LIMS1: variants seen among roughly 807,000 people sequenced by gnomAD.
The protein encoded by LIMS1 is LIM and senescent cell antigen-like-containing domain protein 1.
In LIMS1, 18 loss-of-function variants were observed where a neutral mutation model predicts 44.1. That is an observed-to-expected ratio of 0.41 (90% confidence interval 0.28 to 0.61). The LOEUF is 0.61. Ranked by LOEUF, LIMS1 falls within the 20% of genes least tolerant of loss-of-function variation. LIMS1 has a pLI of 0.32. For synonymous variants in LIMS1, 93 were observed against 149.1 expected (o/e 0.62, Z 2.74); for missense variants, 201 against 422.0 (o/e 0.48, Z 4.59).
intron 1 of LIMS1, among the ~76,000 whole-genome samples, chr2:108,646,998 G>C (rs973692657): frequency 6.6e-6 from 1 of 152,098 alleles, no homozygotes; most frequent in Non-Finnish European, 1.5e-5. Flanking sequence ...TGGGATTACA[G>C]GCATGAGTCA....
intron 1 of LIMS1, among the ~76,000 whole-genome samples, chr2:108,637,092 T>C (rs1689310703): frequency 7.3e-6 from 1 of 137,848 alleles, no homozygotes; most frequent in Admixed American, 8.1e-5. Context: ...CAGCAAAATA[T>C]ACATATATGT....
chr2:108,583,092 G>A (rs185661210), intron 1 of LIMS1, among the ~76,000 whole-genome samples: 1 of 152,138 alleles, frequency 6.6e-6, no homozygotes, highest in Non-Finnish European at 1.5e-5. Context: ...AGGCTGGAGT[G>A]CAGTGGCGTG....
At chr2:108,573,711 TAAAC>T (rs1339779381) in intron 1 of LIMS1, among the ~76,000 whole-genome samples, 2 of 152,162 alleles carry the variant, frequency 1.3e-5, no homozygotes, top group East Asian at 1.9e-4. Context: ...AGACACATCA[TAAAC>T]AAATAAAGCG....
intron 1 of LIMS1, among the ~76,000 whole-genome samples, chr2:108,546,123 T>G (rs967658706): frequency 6.6e-6 from 1 of 152,190 alleles, no homozygotes; most frequent in African/African-American, 2.4e-5. Flanking sequence ...GGTTATAGAA[T>G]CTGTGCTCCA....
At chr2:108,655,277 AGT>A (rs1690782938) in intron 1 of LIMS1, 1 of 791,096 alleles carries the variant, frequency 1.3e-6, no homozygotes, top group Admixed American at 2.6e-5. Flanking sequence ...CCTCTCCTGG[AGT>A]GCCCTCTTCC....
At chr2:108,587,974 A>T (rs1033144019) in intron 1 of LIMS1, among the ~76,000 whole-genome samples, 1 of 152,238 alleles carries the variant, frequency 6.6e-6, no homozygotes, top group South Asian at 2.1e-4. Flanking sequence ...CAGAGGGCAC[A>T]TAAAGAAGCT....
chr2:108,588,093 T>C (rs1386777302), intron 1 of LIMS1, among the ~76,000 whole-genome samples: 3 of 152,254 alleles, frequency 2.0e-5, no homozygotes, highest in African/African-American at 7.2e-5. Context: ...TTCTAAATAT[T>C]TGTCTGCATG....
At chr2:108,645,024 T>A (rs796151678) in intron 1 of LIMS1, among the ~76,000 whole-genome samples, 15 of 152,242 alleles carry the variant, frequency 9.9e-5, no homozygotes, top group African/African-American at 3.6e-4. Flanking sequence ...CTTTGTTTGA[T>A]TGGTATACCT....
intron 1 of LIMS1, among the ~76,000 whole-genome samples, chr2:108,551,491 G>A (rs12468003): frequency 0.18 from 20,090 of 114,454 alleles, 1,734 homozygotes; most frequent in East Asian, 0.34. Flanking sequence ...GCGCGCGCGC[G>A]CACACACACA....
chr2:108,549,279 C>CTTTTTTTTTTTTTTT lies in LIMS1; in HGVS notation c.32+14704_32+14718dup, dbSNP rs71381966. On this transcript the variant is annotated intron_variant, in intron 1 of 9. Coordinates refer to ENST00000544547, the Ensembl canonical transcript of LIMS1. Reference sequence around the variant, plus strand: ...ATAATAATGTACAAGTAAAGTGTTTCTTTTTTTTTTTTTTTTTTTTTTTTT... The same window carrying CTTTTTTTTTTTTTTT: ...ATAATAATGTACAAGTAAAGTGTTTCTTTTTTTTTTTTTTTTTTTTTTTTTTTTTTTTTTTTTTTT... Among the ~76,000 whole-genome samples, 6 of 55,792 alleles carry CTTTTTTTTTTTTTTT rather than the reference C, an allele frequency of 1.1e-4. 1 individual carries two copies. The highest frequency in any genetic ancestry group is 1.2e-4 in the Non-Finnish European group (4 of 32,026). 36.6% of individuals were successfully genotyped at this position (55,792 alleles called of 152,430 possible).
intron 1 of LIMS1, among the ~76,000 whole-genome samples, chr2:108,559,852 CTG>C (rs1025335631): frequency 6.6e-6 from 1 of 152,184 alleles, no homozygotes; most frequent in Non-Finnish European, 1.5e-5. Flanking sequence ...GCCTTAAAAA[CTG>C]TTATCTGAAA....
chr2:108,552,670 G>A (rs1015699406), intron 1 of LIMS1, among the ~76,000 whole-genome samples: 1 of 150,972 alleles, frequency 6.6e-6, no homozygotes, highest in Non-Finnish European at 1.5e-5. Context: ...ACTCACTGCA[G>A]CCTTGACCTC....
chr2:108,539,060 T>C (rs980348173), intron 1 of LIMS1, among the ~76,000 whole-genome samples: 1 of 152,218 alleles, frequency 6.6e-6, no homozygotes, highest in Non-Finnish European at 1.5e-5. Context: ...ACAAACACTT[T>C]GAACATCTCT....
At chr2:108,594,998 A>T (rs976495227) in intron 1 of LIMS1, among the ~76,000 whole-genome samples, 8 of 152,200 alleles carry the variant, frequency 5.3e-5, no homozygotes, top group African/African-American at 1.9e-4. Context: ...TTCACCTGAG[A>T]TGGAAAGCTC....
chr2:108,634,994 T>A (rs1689139166), intron 1 of LIMS1, among the ~76,000 whole-genome samples: 1 of 152,104 alleles, frequency 6.6e-6, no homozygotes, highest in Admixed American at 6.5e-5. Flanking sequence ...ACCCAGGAGC[T>A]CACATTGAGT....
intron 9 of LIMS1, chr2:108,681,379 A>C (rs1438404543): frequency 5.1e-6 from 5 of 982,394 alleles, no homozygotes; most frequent in Non-Finnish European, 2.4e-6. Flanking sequence ...CTTACTCTGT[A>C]GACTCACTCA....
At chr2:108,542,001 T>G (rs1204155102) in intron 1 of LIMS1, among the ~76,000 whole-genome samples, 2 of 152,260 alleles carry the variant, frequency 1.3e-5, no homozygotes, top group African/African-American at 4.8e-5. Flanking sequence ...AAGGAATGTC[T>G]TAATCAAATT....
Position 108,572,768 on chromosome 2 carries a change from C to T in LIMS1, c.32+38174C>T, listed in dbSNP as rs145106535. Among the ~76,000 whole-genome samples, 111 of 152,252 alleles carry T rather than the reference C, an allele frequency of 7.3e-4. 3 individuals are homozygous for T. Among genetic ancestry groups the T allele is most frequent in the African/African-American group, 2.5e-3 (104 of 41,530 alleles). On this transcript the variant is annotated intron_variant, in intron 1 of 9. Transcript: ENST00000544547. ...GTAGGCAACGATTACACTTTGAAGT[C>T]GGGTGGTCTTGGAAGTGTAGGAAAA...
intron 1 of LIMS1, among the ~76,000 whole-genome samples, chr2:108,649,303 A>T (rs1378651626): frequency 2.0e-5 from 3 of 152,222 alleles, no homozygotes; most frequent in Non-Finnish European, 2.9e-5. Flanking sequence ...TAGAATAGTG[A>T]TCATTAAAAA....
Sources: gnomAD v4.1 joint callset for allele counts (sites outside exome capture counted in the v4.1 genomes callset) on GRCh38, gnomAD v4.1.1 for gene constraint, MANE v1.5 for transcripts, NCBI Gene and HGNC (gene_info 2026-07-23, HGNC 2026-07-21) for gene names.